The following GRM8 variants were observed in gnomAD, a reference collection of about 807,000 sequenced individuals.
GRM8 encodes metabotropic glutamate receptor 8.
GRM8 carries 47 observed loss-of-function variants against 87.2 expected under a neutral mutation model. The observed-to-expected ratio is 0.54, with a 90% CI of 0.43 to 0.69. The LOEUF (loss-of-function observed/expected upper bound fraction) is 0.69, where lower values mean the gene tolerates loss of function less well. Among genes scored for constraint, GRM8 ranks in the 30% least tolerant of loss-of-function variants. The probability of loss-of-function intolerance (pLI) is 0.00; values close to 1 mark genes in which losing one functional copy is unlikely to be tolerated. For missense variants in GRM8, 1,019 were observed against 1,139.2 expected (o/e 0.89, Z 1.52); for synonymous variants, 396 against 404.5 (o/e 0.98, Z 0.25).
At chr7:126,678,884 A>C (rs1451556175) in intron 7 of GRM8, among the ~76,000 whole-genome samples, 1 of 152,200 alleles carries the variant, frequency 6.6e-6, no homozygotes, top group Non-Finnish European at 1.5e-5. Flanking sequence ...TGTAACTGGT[A>C]ATTTGGAAAC....
At chr7:126,887,722 T>G (rs993666299) in intron 6 of GRM8, among the ~76,000 whole-genome samples, 1 of 152,058 alleles carries the variant, frequency 6.6e-6, no homozygotes, top group Non-Finnish European at 1.5e-5. Context: ...AAAAGGTCAT[T>G]TAAACATTTA....
chr7:127,211,678 T>C (rs1439878813), intron 2 of GRM8, among the ~76,000 whole-genome samples: 3 of 152,090 alleles, frequency 2.0e-5, no homozygotes, highest in Non-Finnish European at 2.9e-5. Context: ...TTTAAATGGG[T>C]TGAGGGAACA....
At chr7:127,029,029 C>A (rs1049032587) in intron 3 of GRM8, among the ~76,000 whole-genome samples, 2 of 152,010 alleles carry the variant, frequency 1.3e-5, no homozygotes, top group Non-Finnish European at 2.9e-5. Context: ...GATTCTGGTA[C>A]GTTGTGTCTT....
intron 7 of GRM8, among the ~76,000 whole-genome samples, chr7:126,709,525 TA>T (rs2151422517): frequency 6.6e-6 from 1 of 151,746 alleles, no homozygotes; most frequent in African/African-American, 2.4e-5. Context: ...ATAGAAGACA[TA>T]AGTGTTGCAA....
Position 127,242,766 on chromosome 7 carries a change from T to A in GRM8, c.439A>T (p.Ile147Phe). The part of the protein sequence containing the change: ...DPPIFTKPDK[I>F]SGVIGAAASS... ...GCTGCAGCACCTATGACGCCAGAAA[T>A]CTTGTCGGGCTTGGTGAAAATGGGT... The change falls in exon 2 of 11, where the codon ATT becomes TTT. Residue 147 changes from isoleucine (I) to phenylalanine (F), a missense_variant. Coordinates refer to ENST00000339582, the MANE Select transcript of GRM8 (RefSeq NM_000845.3). 3.7e-6 allele frequency: 6 copies of A among 1,614,174 alleles called. No individual in the cohort carries two copies. Among genetic ancestry groups the A allele is most frequent in the Non-Finnish European group, 5.1e-6 (6 of 1,180,012 alleles).
At chr7:126,983,453 G>T (rs934348482) in intron 3 of GRM8, among the ~76,000 whole-genome samples, 1 of 152,024 alleles carries the variant, frequency 6.6e-6, no homozygotes, top group Non-Finnish European at 1.5e-5. Flanking sequence ...GCCAGGATAT[G>T]CAGAGTCCAG....
At chr7:126,827,330 T>A (rs1242568539) in intron 6 of GRM8, among the ~76,000 whole-genome samples, 2 of 151,520 alleles carry the variant, frequency 1.3e-5, no homozygotes, top group Admixed American at 6.6e-5. Flanking sequence ...TCATGATATT[T>A]TCTTCCCATC....
chr7:127,044,601 AG>A (rs1818755405), intron 3 of GRM8, among the ~76,000 whole-genome samples: 1 of 152,174 alleles, frequency 6.6e-6, no homozygotes, highest in Non-Finnish European at 1.5e-5. Flanking sequence ...TAAGTACCAA[AG>A]TTTGGCTTGA....
At chr7:127,247,493 C>T (rs1289089270) in intron 1 of GRM8, among the ~76,000 whole-genome samples, 1 of 152,184 alleles carries the variant, frequency 6.6e-6, no homozygotes, top group Non-Finnish European at 1.5e-5. Context: ...CATATGACTG[C>T]TCACACTTGC....
intron 2 of GRM8, among the ~76,000 whole-genome samples, chr7:127,194,503 C>T (rs1795183392): frequency 6.6e-6 from 1 of 152,144 alleles, no homozygotes; most frequent in African/African-American, 2.4e-5. Flanking sequence ...GATTAATTTG[C>T]TCCTTCTGCA....
At chr7:127,113,133 C>T (rs888812178) in intron 2 of GRM8, among the ~76,000 whole-genome samples, 2 of 152,034 alleles carry the variant, frequency 1.3e-5, no homozygotes, top group East Asian at 1.9e-4. Flanking sequence ...TTTTTGTGGC[C>T]CAAGGAAGAA....
At chr7:127,193,491 C>G (rs553374254) in intron 2 of GRM8, among the ~76,000 whole-genome samples, 13 of 152,164 alleles carry the variant, frequency 8.5e-5, no homozygotes, top group Non-Finnish European at 1.6e-4. Context: ...AGGTCAACTC[C>G]GCAGGACAAA....
At chr7:126,532,026 T>C (rs1045180202) in intron 9 of GRM8, among the ~76,000 whole-genome samples, 2 of 152,202 alleles carry the variant, frequency 1.3e-5, no homozygotes, top group Non-Finnish European at 2.9e-5. Context: ...TACAGCATTC[T>C]CCTCTGTTTT....
At chr7:126,971,393 C>T (rs910583158) in intron 3 of GRM8, among the ~76,000 whole-genome samples, 1 of 152,100 alleles carries the variant, frequency 6.6e-6, no homozygotes, top group African/African-American at 2.4e-5. Context: ...TTGCATTAGG[C>T]TTTGCTAACT....
At chr7:127,208,837 T>C (rs563381667) in intron 2 of GRM8, among the ~76,000 whole-genome samples, 139 of 152,346 alleles carry the variant, frequency 9.1e-4, no homozygotes, top group African/African-American at 3.1e-3. Flanking sequence ...TTCAGTCATA[T>C]CATTACAGAG....
chr7:126,724,759 CAAAA>C (rs34920309), intron 7 of GRM8, among the ~76,000 whole-genome samples: 1 of 121,894 alleles, frequency 8.2e-6, no homozygotes, highest in African/African-American at 3.0e-5. Flanking sequence ...AAACTATTTG[CAAAA>C]AAAAAAAAAA....
chr7:127,028,539 A>G (rs1478891934), intron 3 of GRM8, among the ~76,000 whole-genome samples: 1 of 152,044 alleles, frequency 6.6e-6, no homozygotes, highest in East Asian at 1.9e-4. Context: ...CAGAGATCCA[A>G]CTTCTTCCTG....
intron 9 of GRM8, among the ~76,000 whole-genome samples, chr7:126,454,614 C>T (rs1310719439): frequency 6.6e-6 from 1 of 151,546 alleles, no homozygotes; most frequent in Admixed American, 6.6e-5. Context: ...GCCTAACCCC[C>T]AGTACCTCAG....
chr7:126,586,702 T>C (rs1433974101), intron 8 of GRM8, among the ~76,000 whole-genome samples: 2 of 152,158 alleles, frequency 1.3e-5, no homozygotes, highest in Non-Finnish European at 2.9e-5. Flanking sequence ...AAAGGTTAAA[T>C]GTTAGACCTA....
Sources: gnomAD v4.1 joint callset for allele counts (sites outside exome capture counted in the v4.1 genomes callset) on GRCh38, gnomAD v4.1.1 for gene constraint, MANE v1.5 for transcripts, NCBI Gene and HGNC (gene_info 2026-07-23, HGNC 2026-07-21) for gene names.